The following POC1A variants were observed in gnomAD, a reference collection of about 807,000 sequenced individuals.
The protein encoded by POC1A is POC1 centriolar protein homolog A.
POC1A carries 34 observed loss-of-function variants against 47.8 expected under a neutral mutation model. The ratio of observed to expected loss-of-function variants is 0.71; its 90% CI spans 0.54 to 0.95. POC1A has a LOEUF of 0.95. Among genes scored for constraint, POC1A ranks in the 40% least tolerant of loss-of-function variants. The probability of loss-of-function intolerance (pLI) is 0.00; values close to 1 mark genes in which losing one functional copy is unlikely to be tolerated. For synonymous variants in POC1A, 177 were observed against 207.6 expected (o/e 0.85, Z 1.27); for missense variants, 466 against 528.3 (o/e 0.88, Z 1.16).
intron 9 of POC1A, among the ~76,000 whole-genome samples, chr3:52,096,965 G>A (rs1020689458): frequency 6.6e-6 from 1 of 152,206 alleles, no homozygotes; most frequent in African/African-American, 2.4e-5. Context: ...GGGGCCTGGG[G>A]AGGAGGGCAG....
At chr3:52,121,449 A>G (rs537152062) in intron 9 of POC1A, among the ~76,000 whole-genome samples, 2 of 152,126 alleles carry the variant, frequency 1.3e-5, no homozygotes, top group Non-Finnish European at 2.9e-5. Flanking sequence ...ATAAATCCCA[A>G]CTGGGCCAAT....
chr3:52,153,633 A>C (rs1349760863), intron 1 of POC1A, among the ~76,000 whole-genome samples: 1 of 152,212 alleles, frequency 6.6e-6, no homozygotes, highest in Non-Finnish European at 1.5e-5. Context: ...GTCCCATGGT[A>C]TCTCTCAACA....
At chr3:52,115,837 G>A (rs978562382) in intron 9 of POC1A, among the ~76,000 whole-genome samples, 3 of 152,102 alleles carry the variant, frequency 2.0e-5, no homozygotes, top group Admixed American at 2.0e-4. Context: ...AATCTACCTA[G>A]TCTATGGTAT....
intron 1 of POC1A, among the ~76,000 whole-genome samples, chr3:52,154,100 T>G (rs911747131): frequency 5.3e-5 from 8 of 152,240 alleles, no homozygotes; most frequent in Non-Finnish European, 8.8e-5. Context: ...CGTGTGTCCC[T>G]CGCTAGGATG....
chr3:52,098,107 T>C lies in POC1A; in HGVS notation c.982-1395A>G, dbSNP rs1267037644. Among the ~76,000 whole-genome samples, 6 of 152,200 alleles carry C rather than the reference T, an allele frequency of 3.9e-5. No individual in the cohort carries two copies. In the East Asian group the frequency reaches 1.2e-3, roughly 29 times the overall value. On this transcript the variant is annotated intron_variant, in intron 9 of 10. Transcript: ENST00000296484. ...CATTTCCTCATCTATAAAATAGGGATGAAGACTGGGCCAGTCCTTCAAACG... is the reference window on the plus strand; with the variant it reads ...CATTTCCTCATCTATAAAATAGGGACGAAGACTGGGCCAGTCCTTCAAACG...
chr3:52,154,185 G>A (rs550857155), intron 1 of POC1A, among the ~76,000 whole-genome samples, 170 bp downstream of exon 1: 13 of 152,392 alleles, frequency 8.5e-5, no homozygotes, highest in Admixed American at 8.5e-4. Context: ...GAGGCGCTCA[G>A]AAAGTGCCCG....
chr3:52,113,405 A>G (rs1703449187), intron 9 of POC1A, among the ~76,000 whole-genome samples: 1 of 152,216 alleles, frequency 6.6e-6, no homozygotes, highest in Admixed American at 6.5e-5. Flanking sequence ...AACATTCTAC[A>G]AAAACTGTAG....
intron 9 of POC1A, among the ~76,000 whole-genome samples, chr3:52,119,213 A>T (rs1265393402): frequency 1.3e-5 from 2 of 151,850 alleles, no homozygotes; most frequent in African/African-American, 4.8e-5. Context: ...GGCCTCTCCC[A>T]CCTCATCCCC....
chr3:52,138,026 C>G, intron 7 of POC1A, 143 bp downstream of exon 7: 1 of 849,740 alleles, frequency 1.2e-6, no homozygotes, highest in Non-Finnish European at 1.9e-6. Context: ...GCCCAGCAAT[C>G]TGCCCAGGTC....
At chr3:52,146,084 C>G in intron 5 of POC1A, 123 bp from the exon 6 acceptor site, 1 of 625,524 alleles carries the variant, frequency 1.6e-6, no homozygotes, top group Non-Finnish European at 2.9e-6. Context: ...ACCCAGACAC[C>G]TCCTTTCTGT....
intron 10 of POC1A, among the ~76,000 whole-genome samples, chr3:52,093,447 C>G (rs776483150): frequency 6.6e-6 from 1 of 152,206 alleles, no homozygotes; most frequent in Non-Finnish European, 1.5e-5. Context: ...CTGGTGCTGT[C>G]ATGCAGATCC....
At chr3:52,101,841 G>C (rs757194727) in intron 9 of POC1A, among the ~76,000 whole-genome samples, 5 of 152,014 alleles carry the variant, frequency 3.3e-5, no homozygotes, top group Non-Finnish European at 5.9e-5. Flanking sequence ...TGTCAGCTTT[G>C]GTTTTTCTGG....
At chr3:52,140,709 A>G (rs900445318) in intron 6 of POC1A, among the ~76,000 whole-genome samples, 2 of 152,208 alleles carry the variant, frequency 1.3e-5, no homozygotes, top group African/African-American at 4.8e-5. Flanking sequence ...GGGATACCCC[A>G]GACACCAGGA....
At chr3:52,106,907 A>T (rs1295630688) in intron 9 of POC1A, among the ~76,000 whole-genome samples, 1 of 152,218 alleles carries the variant, frequency 6.6e-6, no homozygotes, top group African/African-American at 2.4e-5. Context: ...TTTCCCCCAC[A>T]CAAAGGGGTG....
chr3:52,076,470 C>T (rs1207334334), intron 10 of POC1A, among the ~76,000 whole-genome samples: 1 of 152,228 alleles, frequency 6.6e-6, no homozygotes, highest in African/African-American at 2.4e-5. Context: ...CTTCCCCTCA[C>T]ACCTGGAAGA....
chr3:52,081,999 G>A (rs969322063), intron 10 of POC1A, among the ~76,000 whole-genome samples: 2 of 152,168 alleles, frequency 1.3e-5, no homozygotes, highest in Non-Finnish European at 2.9e-5. Flanking sequence ...GGCCCTGCAG[G>A]AGAGGCAGAA....
chr3:52,101,221 G>A (rs549819828), intron 9 of POC1A, among the ~76,000 whole-genome samples: 2 of 152,154 alleles, frequency 1.3e-5, no homozygotes, highest in South Asian at 4.2e-4. Context: ...GCTGAAAGGT[G>A]AGAGTGAGGA....
At chr3:52,151,628 A>T (rs111761461) in intron 1 of POC1A, among the ~76,000 whole-genome samples, 1,996 of 151,654 alleles carry the variant, frequency 0.013, 34 homozygotes, top group African/African-American at 0.042. Flanking sequence ...AAAAAAAAAA[A>T]AGGAATAATT....
At chr3:52,142,241 C>T (rs1319416472) in intron 6 of POC1A, among the ~76,000 whole-genome samples, 1 of 152,236 alleles carries the variant, frequency 6.6e-6, no homozygotes, top group African/African-American at 2.4e-5. Context: ...GGGATGGGGG[C>T]TGCTGCTCAG....
Sources: gnomAD v4.1 joint callset for allele counts (sites outside exome capture counted in the v4.1 genomes callset) on GRCh38, gnomAD v4.1.1 for gene constraint, MANE v1.5 for transcripts, NCBI Gene and HGNC (gene_info 2026-07-23, HGNC 2026-07-21) for gene names.